LRRTM4: variants seen among roughly 807,000 people sequenced by gnomAD.
LRRTM4 encodes the protein leucine rich repeat transmembrane neuronal 4.
Under a neutral mutation model 47.6 loss-of-function variants are expected in LRRTM4, and 25 were observed. The ratio of observed to expected loss-of-function variants is 0.53; its 90% CI spans 0.38 to 0.73. The LOEUF (loss-of-function observed/expected upper bound fraction) is 0.73. LRRTM4 is among the 30% of genes least tolerant of loss of function. The pLI is 0.00. For missense variants in LRRTM4, 638 were observed against 713.4 expected, an observed-to-expected ratio of 0.89 and a Z score of 1.20; for synonymous variants, 311 against 269.5, an observed-to-expected ratio of 1.15 and a Z score of -1.51.
At chr2:77,019,483 CTACACCAGTGAAA>C (rs1373502252) in intron 3 of LRRTM4, among the ~76,000 whole-genome samples, 1 of 151,986 alleles carries the variant, frequency 6.6e-6, no homozygotes, top group African/African-American at 2.4e-5. Flanking sequence ...GCCTCAGTGA[CTACACCAGTGAAA>C]TAATACTATA....
At chr2:76,865,907 A>G (rs574312058) in intron 3 of LRRTM4, among the ~76,000 whole-genome samples, 1 of 152,206 alleles carries the variant, frequency 6.6e-6, no homozygotes, top group East Asian at 1.9e-4. Flanking sequence ...ACTTTACATT[A>G]TGAAAAATGT....
chr2:76,883,177 A>T (rs929150423), intron 3 of LRRTM4, among the ~76,000 whole-genome samples: 8 of 152,132 alleles, frequency 5.3e-5, no homozygotes, highest in African/African-American at 1.9e-4. Flanking sequence ...AAACCCCAGC[A>T]TCACCTCTCC....
chr2:77,161,982 C>T (rs1184280149), intron 3 of LRRTM4, among the ~76,000 whole-genome samples: 1 of 152,132 alleles, frequency 6.6e-6, no homozygotes, highest in East Asian at 1.9e-4. Flanking sequence ...CGAGTGATTT[C>T]TGCATTTGCA....
intron 3 of LRRTM4, among the ~76,000 whole-genome samples, chr2:76,873,072 G>C (rs1358900408): frequency 6.6e-6 from 1 of 151,964 alleles, no homozygotes; most frequent in Admixed American, 6.6e-5. Flanking sequence ...TCAGCCTAAG[G>C]CATTTCTTTA....
chr2:76,783,367 CTT>C (rs920189683), intron 3 of LRRTM4, among the ~76,000 whole-genome samples: 1 of 152,030 alleles, frequency 6.6e-6, no homozygotes, highest in Admixed American at 6.6e-5. Context: ...TTTTTAAAAA[CTT>C]TTTTTAATGG....
chr2:77,372,660 GT>G (rs948284273), intron 3 of LRRTM4, among the ~76,000 whole-genome samples: 9 of 151,674 alleles, frequency 5.9e-5, no homozygotes, highest in Non-Finnish European at 1.3e-4. Context: ...CATTAATGGT[GT>G]TTTCTTCACT....
chr2:77,082,557 T>C (rs1461882324), intron 3 of LRRTM4, among the ~76,000 whole-genome samples: 1 of 152,110 alleles, frequency 6.6e-6, no homozygotes, highest in African/African-American at 2.4e-5. Flanking sequence ...CATTCTTATA[T>C]ATATATAGGT....
intron 3 of LRRTM4, among the ~76,000 whole-genome samples, chr2:77,226,000 G>A (rs1378211277): frequency 6.6e-6 from 1 of 151,702 alleles, no homozygotes; most frequent in Non-Finnish European, 1.5e-5. Flanking sequence ...CGTAAAAAAT[G>A]TGTACATGTT....
chr2:77,054,305 T>C (rs570466468), intron 3 of LRRTM4, among the ~76,000 whole-genome samples: 1 of 151,588 alleles, frequency 6.6e-6, no homozygotes, highest in Non-Finnish European at 1.5e-5. Context: ...AAAATTACAT[T>C]GTACATTGTT....
chr2:76,959,869 C>T (rs1675795565), intron 3 of LRRTM4, among the ~76,000 whole-genome samples: 1 of 151,562 alleles, frequency 6.6e-6, no homozygotes, highest in African/African-American at 2.4e-5. Context: ...AAAACTCCAA[C>T]CCTTATTTGG....
At chr2:77,051,420 T>C (rs1679428118) in intron 3 of LRRTM4, among the ~76,000 whole-genome samples, 2 of 152,126 alleles carry the variant, frequency 1.3e-5, no homozygotes, top group Non-Finnish European at 1.5e-5. Context: ...CCTAAAGAAG[T>C]TCTCAGTGTC....
At chr2:77,383,073 G>C (rs1182754034) in intron 3 of LRRTM4, among the ~76,000 whole-genome samples, 1 of 151,802 alleles carries the variant, frequency 6.6e-6, no homozygotes, top group African/African-American at 2.4e-5. Context: ...GAGAATATTT[G>C]GTATAGTTTG....
chr2:76,893,577 G>C (rs1285062080), intron 3 of LRRTM4, among the ~76,000 whole-genome samples: 1 of 150,734 alleles, frequency 6.6e-6, no homozygotes. Flanking sequence ...AATTGTGTAA[G>C]TCTAAACTAA....
At chr2:77,459,564 A>G (rs1414571701) in intron 3 of LRRTM4, among the ~76,000 whole-genome samples, 1 of 151,992 alleles carries the variant, frequency 6.6e-6, no homozygotes, top group Admixed American at 6.6e-5. Flanking sequence ...ACTATAAAAT[A>G]TTGGTCCCTT....
At chr2:76,861,485 A>G (rs1450157120) in intron 3 of LRRTM4, among the ~76,000 whole-genome samples, 1 of 152,096 alleles carries the variant, frequency 6.6e-6, no homozygotes, top group Non-Finnish European at 1.5e-5. Context: ...AATTTCTTGC[A>G]GAGGTCTATT....
chr2:77,450,673 A>G (rs1279722035), intron 3 of LRRTM4, among the ~76,000 whole-genome samples: 2 of 152,090 alleles, frequency 1.3e-5, no homozygotes, highest in Non-Finnish European at 2.9e-5. Flanking sequence ...AAAAAAAACT[A>G]TATCTGGTTA....
chr2:77,127,145 C>T (rs1332302979), intron 3 of LRRTM4, among the ~76,000 whole-genome samples: 3 of 151,714 alleles, frequency 2.0e-5, no homozygotes, highest in African/African-American at 7.3e-5. Flanking sequence ...TTTATTCTTC[C>T]TCAGTTTAGA....
chr2:77,458,837 A>G (rs1379458635), intron 3 of LRRTM4, among the ~76,000 whole-genome samples: 1 of 151,480 alleles, frequency 6.6e-6, no homozygotes, highest in South Asian at 2.1e-4. Flanking sequence ...TTCAGTGGAA[A>G]TTCAAAAATG....
intron 3 of LRRTM4, among the ~76,000 whole-genome samples, chr2:77,219,056 A>C (rs1353266166): frequency 6.6e-6 from 1 of 152,208 alleles, no homozygotes; most frequent in African/African-American, 2.4e-5. Flanking sequence ...TTTGCTACAA[A>C]ATTCTTTCTT....
Sources: allele counts gnomAD v4.1 joint callset (sites outside exome capture counted in the v4.1 genomes callset), GRCh38; gene constraint gnomAD v4.1.1; transcripts MANE v1.5; gene names NCBI Gene and HGNC (gene_info 2026-07-23, HGNC 2026-07-21).